AKT3: variants seen among roughly 807,000 people sequenced by gnomAD.
The protein encoded by AKT3 is AKT serine/threonine kinase 3, also known as RAC-gamma serine/threonine-protein kinase.
In AKT3, 15 loss-of-function variants were observed where a neutral mutation model predicts 65.3. The observed-to-expected ratio is 0.23, with a 90% CI of 0.15 to 0.35. The LOEUF (loss-of-function observed/expected upper bound fraction) is 0.35. AKT3 is among the 10% of genes least tolerant of loss of function. The pLI is 1.00. For synonymous variants in AKT3, 206 were observed against 183.8 expected (o/e 1.12, Z -0.98); for missense variants, 243 against 576.5 (o/e 0.42, Z 5.92).
chr1:243,488,934 C>G (rs765987840), intron 13 of AKT3: 256 of 1,601,056 alleles, frequency 1.6e-4, no homozygotes, highest in Admixed American at 2.3e-4. Flanking sequence ...TCAGGGGCTT[C>G]CCTCAGATAC....
intron 6 of AKT3, chr1:243,624,939 A>G: frequency 4.1e-6 from 1 of 243,980 alleles, no homozygotes. Context: ...ACTGATAATC[A>G]CTCTTGGTTT....
chr1:243,659,441 T>C (rs1234741166), intron 4 of AKT3, among the ~76,000 whole-genome samples: 1 of 150,688 alleles, frequency 6.6e-6, no homozygotes, highest in African/African-American at 2.4e-5. Context: ...TTTAAAAGAA[T>C]GCACTAATGT....
At chr1:243,786,046 G>A (rs1160013122) in intron 2 of AKT3, among the ~76,000 whole-genome samples, 1 of 152,218 alleles carries the variant, frequency 6.6e-6, no homozygotes, top group Non-Finnish European at 1.5e-5. Context: ...ATCATTCTGA[G>A]CCTTAAAGAT....
intron 8 of AKT3, among the ~76,000 whole-genome samples, chr1:243,579,727 G>C (rs1435384139): frequency 6.6e-6 from 1 of 152,176 alleles, no homozygotes; most frequent in Non-Finnish European, 1.5e-5. Flanking sequence ...AATTCATATG[G>C]AATAGGTACA....
intron 10 of AKT3, among the ~76,000 whole-genome samples, chr1:243,557,982 A>G (rs1261923748): frequency 6.6e-6 from 1 of 152,106 alleles, no homozygotes; most frequent in Non-Finnish European, 1.5e-5. Context: ...CTTTGTGCAA[A>G]GACTAATCAG....
At chr1:243,678,957 C>T (rs1003068427) in intron 3 of AKT3, among the ~76,000 whole-genome samples, 5 of 151,974 alleles carry the variant, frequency 3.3e-5, no homozygotes, top group East Asian at 3.9e-4. Context: ...TCCTTCCACC[C>T]GCTCCACATC....
chr1:243,613,793 T>C (rs2148604617), intron 7 of AKT3, 54 bp from the exon 8 acceptor site: 1 of 1,123,642 alleles, frequency 8.9e-7, no homozygotes. Context: ...TTCTTATAAT[T>C]ATAATAGTAC....
intron 8 of AKT3, among the ~76,000 whole-genome samples, chr1:243,600,800 A>C (rs552323459): frequency 3.3e-5 from 5 of 152,348 alleles, no homozygotes; most frequent in South Asian, 2.1e-4. Flanking sequence ...AACTTCAGTT[A>C]GAAAAAGATG....
At chr1:243,541,836 C>A (rs1672341946) in intron 12 of AKT3, among the ~76,000 whole-genome samples, 1 of 152,170 alleles carries the variant, frequency 6.6e-6, no homozygotes, top group African/African-American at 2.4e-5. Context: ...ACAACTAATT[C>A]TTGCAAGCCT....
In AKT3 at chr1:243,501,518, G is replaced by A. The variant is rs75847692; in HGVS notation, c.*3731C>T. 5,205 of 233,148 alleles carry A rather than the reference G, an allele frequency of 0.022. 92 individuals carry two copies. The highest frequency in any genetic ancestry group is 0.042 in the Middle Eastern group (33 of 786). 14.4% of individuals were successfully genotyped at this position (233,148 alleles called of 1,614,324 possible). ...CTAAATCCAGTGCTGAGAGGTCAGC[G>A]TTTCCCCTCAGAAGCAGCCGTTCAT... is the stretch of plus-strand genomic sequence containing the variant. On this transcript the variant is annotated 3_prime_UTR_variant, in exon 14 of 14. Transcript: ENST00000673466.
At chr1:243,609,149 C>T (rs1186277861) in intron 8 of AKT3, among the ~76,000 whole-genome samples, 4 of 151,750 alleles carry the variant, frequency 2.6e-5, no homozygotes, top group African/African-American at 7.3e-5. Flanking sequence ...AGGATAAACA[C>T]ATCAAGCATA....
intron 2 of AKT3, among the ~76,000 whole-genome samples, chr1:243,738,883 G>C (rs980230925): frequency 6.6e-6 from 1 of 152,148 alleles, no homozygotes; most frequent in Non-Finnish European, 1.5e-5. Flanking sequence ...AACATGCATT[G>C]TTTTTGCTTG....
intron 2 of AKT3, among the ~76,000 whole-genome samples, chr1:243,841,412 G>A (rs1190640225): frequency 6.6e-6 from 1 of 151,896 alleles, no homozygotes; most frequent in Non-Finnish European, 1.5e-5. Context: ...AACTCAAAAA[G>A]GTTCAAGTGA....
At chr1:243,635,307 C>T (rs1238826344) in intron 6 of AKT3, among the ~76,000 whole-genome samples, 2 of 151,454 alleles carry the variant, frequency 1.3e-5, no homozygotes, top group Non-Finnish European at 3.0e-5. Flanking sequence ...AAATTTAAAG[C>T]CATAAATGCT....
upstream of AKT3, among the ~76,000 whole-genome samples, chr1:243,850,363 A>C (rs1216431890): frequency 2.7e-5 from 4 of 150,262 alleles, no homozygotes; most frequent in Non-Finnish European, 4.4e-5. Flanking sequence ...GGAGAGGAGG[A>C]GGCGGAGACT....
At chr1:243,717,218 A>C (rs1476403073) in intron 2 of AKT3, among the ~76,000 whole-genome samples, 1 of 152,218 alleles carries the variant, frequency 6.6e-6, no homozygotes, top group Non-Finnish European at 1.5e-5. Flanking sequence ...TACTTTAGAA[A>C]TGTTTAAGTA....
At chr1:243,828,065 AAACAACAACAAC>A (rs60497718) in intron 2 of AKT3, among the ~76,000 whole-genome samples, 1 of 150,604 alleles carries the variant, frequency 6.6e-6, no homozygotes, top group African/African-American at 2.4e-5. Context: ...AATGTTTTAA[AAACAACAACAAC>A]AACAACAACA....
chr1:243,783,175 G>A (rs57697696), intron 2 of AKT3, among the ~76,000 whole-genome samples: 4,750 of 151,878 alleles, frequency 0.031, 279 homozygotes, highest in African/African-American at 0.11. Flanking sequence ...TCCCTAGATC[G>A]GTTCAGGATA....
intron 6 of AKT3, among the ~76,000 whole-genome samples, chr1:243,632,384 A>C (rs2147794314): frequency 6.6e-6 from 1 of 152,310 alleles, no homozygotes; most frequent in Non-Finnish European, 1.5e-5. Flanking sequence ...AGTAATATTT[A>C]AAAAGTAATC....
Sources: gnomAD v4.1 joint callset for allele counts (sites outside exome capture counted in the v4.1 genomes callset) on GRCh38, gnomAD v4.1.1 for gene constraint, MANE v1.5 for transcripts, NCBI Gene and HGNC (gene_info 2026-07-23, HGNC 2026-07-21) for gene names.